The following SCN11A variants were observed in gnomAD, a reference collection of about 807,000 sequenced individuals.
SCN11A encodes the protein sodium voltage-gated channel alpha subunit 11, also known as sodium channel protein type 11 subunit alpha.
Under a neutral mutation model 162.2 loss-of-function variants are expected in SCN11A, and 122 were observed. The observed-to-expected ratio is 0.75, with a 90% confidence interval of 0.65 to 0.87. SCN11A has a LOEUF of 0.87. SCN11A is among the 40% of genes least tolerant of loss of function. SCN11A has a pLI of 0.00. For missense variants in SCN11A, 2,015 were observed against 2,181.6 expected (o/e 0.92, Z 1.52); for synonymous variants, 758 against 751.5 (o/e 1.01, Z -0.14).
At chr3:38,886,272 C>A in intron 19 of SCN11A, 34 bp from the exon 20 acceptor site, 1 of 1,390,714 alleles carries the variant, frequency 7.2e-7, no homozygotes, top group Non-Finnish European at 1.0e-6. Flanking sequence ...AATTAATATT[C>A]CTCCTGGACA....
intron 2 of SCN11A, among the ~76,000 whole-genome samples, chr3:39,017,524 C>T (rs116274963): frequency 0.014 from 2,129 of 152,162 alleles, 17 homozygotes; most frequent in Non-Finnish European, 0.018. Flanking sequence ...TGTTTCTGTA[C>T]TTGAGTATTT....
intron 1 of SCN11A, among the ~76,000 whole-genome samples, chr3:39,035,569 T>C (rs1415370601): frequency 6.6e-6 from 1 of 152,148 alleles, no homozygotes; most frequent in Non-Finnish European, 1.5e-5. Context: ...TTTTTAGAGA[T>C]GGGATCTCCC....
chr3:39,028,376 C>A (rs1396209428), intron 2 of SCN11A, among the ~76,000 whole-genome samples: 1 of 152,188 alleles, frequency 6.6e-6, no homozygotes, highest in African/African-American at 2.4e-5. Flanking sequence ...TATCCTTAAA[C>A]CTGCTAGATG....
chr3:38,929,135 G>GCGCGCGCA (rs1463876491), intron 7 of SCN11A, among the ~76,000 whole-genome samples: 10 of 66,698 alleles, frequency 1.5e-4, no homozygotes, highest in Admixed American at 1.5e-4. Flanking sequence ...GTCTGTGCAC[G>GCGCGCGCA]CACACACACA....
chr3:39,016,586 T>G (rs1382055294), intron 2 of SCN11A, among the ~76,000 whole-genome samples: 1 of 152,130 alleles, frequency 6.6e-6, no homozygotes, highest in African/African-American at 2.4e-5. Context: ...TCATTTTTAT[T>G]TATTTATTTA....
chr3:38,949,042 T>C (rs2125575879), intron 5 of SCN11A, among the ~76,000 whole-genome samples: 1 of 152,306 alleles, frequency 6.6e-6, no homozygotes, highest in African/African-American at 2.4e-5. Context: ...TCTAAGTCTA[T>C]CCCAATTGAA....
At chr3:38,858,586 C>T (rs2064910705) in intron 28 of SCN11A, among the ~76,000 whole-genome samples, 1 of 152,148 alleles carries the variant, frequency 6.6e-6, no homozygotes, top group African/African-American at 2.4e-5. Context: ...ATTCCACTGA[C>T]AGCACTAGAC....
At chr3:39,001,903 G>A (rs966236519) in intron 2 of SCN11A, among the ~76,000 whole-genome samples, 1 of 152,116 alleles carries the variant, frequency 6.6e-6, no homozygotes, top group African/African-American at 2.4e-5. Flanking sequence ...TGGGCGTGGT[G>A]GCGGGCGCCT....
intron 7 of SCN11A, among the ~76,000 whole-genome samples, chr3:38,930,124 CTTGG>C (rs2066218687): frequency 1.3e-5 from 2 of 152,176 alleles, no homozygotes; most frequent in Non-Finnish European, 2.9e-5. Context: ...CACACGCTCA[CTTGG>C]GACAGAAACA....
chr3:38,878,978 T>A (rs987983626), intron 23 of SCN11A, among the ~76,000 whole-genome samples: 3 of 152,124 alleles, frequency 2.0e-5, no homozygotes, highest in African/African-American at 2.4e-5. Context: ...ACTTACTAGG[T>A]TGCACCAGTT....
Position 38,946,916 on chromosome 3 carries a change from C to CA in SCN11A, c.268-10dup, listed in dbSNP as rs552650164. ...TTTAACACCATAAATGTCTGCAAAA[C>CA]AAAAAAAACAATACAAGAAAACACA... On this transcript the variant is annotated splice_polypyrimidine_tract_variant and intron_variant, in intron 5 of 29. Transcript: ENST00000302328. 14,138 of 1,486,338 alleles carry CA rather than the reference C, an allele frequency of 9.5e-3. 82 individuals are homozygous for CA. The highest frequency in any genetic ancestry group is 0.012 in the Non-Finnish European group (12,589 of 1,080,162). 92.1% of individuals were successfully genotyped at this position (1,486,338 alleles called of 1,614,324 possible).
At chr3:38,971,312 C>T (rs1018384675) in intron 2 of SCN11A, among the ~76,000 whole-genome samples, 2 of 152,114 alleles carry the variant, frequency 1.3e-5, no homozygotes, top group Admixed American at 6.5e-5. Flanking sequence ...AAACCTAAAA[C>T]GTCACTAAGG....
chr3:38,966,922 G>A (rs1169502665), intron 2 of SCN11A, among the ~76,000 whole-genome samples: 1 of 152,226 alleles, frequency 6.6e-6, no homozygotes, highest in East Asian at 1.9e-4. Context: ...CATTAGACAA[G>A]CACTCCAGTG....
intron 7 of SCN11A, among the ~76,000 whole-genome samples, chr3:38,939,057 C>T (rs1405322907): frequency 6.6e-6 from 1 of 151,942 alleles, no homozygotes; most frequent in Non-Finnish European, 1.5e-5. Flanking sequence ...TCTGTAATCC[C>T]AGTCACTTGG....
At chr3:38,899,061 G>A (rs1461728220) in intron 17 of SCN11A, among the ~76,000 whole-genome samples, 1 of 151,962 alleles carries the variant, frequency 6.6e-6, no homozygotes, top group African/African-American at 2.4e-5. Context: ...TGTACATTTA[G>A]GTAACTGAAT....
chr3:38,929,842 T>G (rs983775268), intron 7 of SCN11A, among the ~76,000 whole-genome samples: 1 of 152,158 alleles, frequency 6.6e-6, no homozygotes, highest in African/African-American at 2.4e-5. Flanking sequence ...TTTGCCCTTC[T>G]GCCTTCTGCC....
At position 38,971,228 on chromosome 3, in the gene SCN11A, C is replaced by T. The variant is rs142097254; in HGVS notation, c.-279-10805G>A. 9.3e-4 allele frequency among the ~76,000 whole-genome samples: 141 copies of T among 152,054 alleles called. 1 individual carries two copies. The highest frequency in any genetic ancestry group is 3.4e-3 in the African/African-American group (139 of 41,478). ...GGAGCTCAGTGGCATAATCATAGCT[C>T]CCCGCAGCCTTGACCTCCTGGGCTC... On this transcript the variant is annotated intron_variant, in intron 2 of 29. Coordinates refer to ENST00000302328, the MANE Select transcript of SCN11A (RefSeq NM_001349253.2).
chr3:38,893,196 A>G (rs1298385640), intron 19 of SCN11A, among the ~76,000 whole-genome samples: 2 of 152,182 alleles, frequency 1.3e-5, no homozygotes, highest in Admixed American at 1.3e-4. Context: ...CAGCAACCAT[A>G]AAAGAAGCTG....
intron 29 of SCN11A, among the ~76,000 whole-genome samples, chr3:38,848,114 C>A (rs1227301019): frequency 6.6e-6 from 1 of 152,164 alleles, no homozygotes; most frequent in Non-Finnish European, 1.5e-5. Flanking sequence ...TAATTGTCAT[C>A]CTCATTCCAA....
Sources: allele counts gnomAD v4.1 joint callset (sites outside exome capture counted in the v4.1 genomes callset), GRCh38; gene constraint gnomAD v4.1.1; transcripts MANE v1.5; gene names NCBI Gene and HGNC (gene_info 2026-07-23, HGNC 2026-07-21).